PDE4D: variants seen among roughly 807,000 people sequenced by gnomAD.
PDE4D encodes the protein phosphodiesterase 4D.
In PDE4D, 24 loss-of-function variants were observed where a neutral mutation model predicts 87.4. The ratio of observed to expected loss-of-function variants is 0.27; its 90% confidence interval spans 0.20 to 0.39. The LOEUF (loss-of-function observed/expected upper bound fraction) is 0.39. PDE4D is among the 10% of genes least tolerant of loss of function. The probability of loss-of-function intolerance (pLI) is 1.00; values close to 1 mark genes in which losing one functional copy is unlikely to be tolerated. For missense variants in PDE4D, 714 were observed against 1,041.0 expected (o/e 0.69, Z 4.32); for synonymous variants, 384 against 383.2 (o/e 1.00, Z -0.02).
In PDE4D at chr5:58,972,848, C is replaced by CTAAT. The variant is rs759316443; in HGVS notation, c.*1812_*1815dup. 3.9e-5 allele frequency: 6 copies of CTAAT among 152,002 alleles called. No homozygotes were observed. Among genetic ancestry groups the CTAAT allele is most frequent in the African/African-American group, 1.4e-4 (6 of 41,474 alleles). 9.4% of individuals were successfully genotyped at this position (152,002 alleles called of 1,614,324 possible). On this transcript the variant is annotated 3_prime_UTR_variant, in exon 15 of 15. Coordinates refer to ENST00000340635, the MANE Select transcript of PDE4D (RefSeq NM_001104631.2). ...TGCTGAAATCAGCCAAGAGTGATCT[C>CTAAT]TAATTTTTTATTTAACCAGAATTTT...
At chr5:59,093,887 TAA>T (rs1769195666) in intron 5 of PDE4D, among the ~76,000 whole-genome samples, 1 of 151,980 alleles carries the variant, frequency 6.6e-6, no homozygotes, top group Non-Finnish European at 1.5e-5. Context: ...TGACCTTAGA[TAA>T]AACACACTTC....
intron 1 of PDE4D, among the ~76,000 whole-genome samples, chr5:59,684,063 G>C (rs1749466673): frequency 6.6e-6 from 1 of 151,982 alleles, no homozygotes; most frequent in African/African-American, 2.4e-5. Context: ...CCTTTTCTAT[G>C]CTCCTTCATA....
intron 3 of PDE4D, among the ~76,000 whole-genome samples, chr5:59,971,363 A>AAAATAAATAAAT (rs371424891): frequency 0.41 from 59,686 of 145,586 alleles, 12,851 homozygotes; most frequent in East Asian, 0.84. Context: ...ATAATAATAA[A>AAAATAAATAAAT]AAATAAATAA....
intron 1 of PDE4D, among the ~76,000 whole-genome samples, chr5:59,759,451 C>A (rs373317049): frequency 6.6e-6 from 1 of 152,146 alleles, no homozygotes; most frequent in Admixed American, 6.5e-5. Context: ...GGGAAGCACA[C>A]GTGAATAATA....
At chr5:59,161,725 C>T (rs1385602759) in intron 5 of PDE4D, among the ~76,000 whole-genome samples, 1 of 152,128 alleles carries the variant, frequency 6.6e-6, no homozygotes, top group African/African-American at 2.4e-5. Context: ...TTTTAGTTTA[C>T]AACTGTTAGC....
intron 2 of PDE4D, among the ~76,000 whole-genome samples, chr5:59,198,324 T>A (rs1581319782): frequency 6.6e-6 from 1 of 152,236 alleles, no homozygotes; most frequent in African/African-American, 2.4e-5. Context: ...TGTATGTATG[T>A]ATGCACACAT....
chr5:59,536,439 A>T (rs1815256344), intron 1 of PDE4D, among the ~76,000 whole-genome samples: 1 of 133,218 alleles, frequency 7.5e-6, no homozygotes, highest in Non-Finnish European at 1.5e-5. Context: ...CGGGAGGCGG[A>T]GCTTGCAGTG....
chr5:59,708,094 A>G (rs567496207), intron 1 of PDE4D, among the ~76,000 whole-genome samples: 2 of 152,274 alleles, frequency 1.3e-5, no homozygotes, highest in Admixed American at 1.3e-4. Flanking sequence ...AAGCGTTCCT[A>G]CTTCTCCACA....
chr5:59,438,578 A>G (rs966112470), intron 1 of PDE4D, among the ~76,000 whole-genome samples: 1 of 152,212 alleles, frequency 6.6e-6, no homozygotes, highest in Non-Finnish European at 1.5e-5. Flanking sequence ...TTGCCCTGGA[A>G]TGATGATTAA....
chr5:59,580,618 C>T (rs1453710310), intron 1 of PDE4D, among the ~76,000 whole-genome samples: 2 of 152,060 alleles, frequency 1.3e-5, no homozygotes, highest in Admixed American at 6.6e-5. Context: ...CAGGCATGAA[C>T]CACCATGCCC....
chr5:59,280,279 G>A (rs556689297), intron 1 of PDE4D, among the ~76,000 whole-genome samples: 3 of 152,128 alleles, frequency 2.0e-5, no homozygotes, highest in Non-Finnish European at 2.9e-5. Flanking sequence ...GTAACAATAC[G>A]TGAGACCTCT....
intron 1 of PDE4D, among the ~76,000 whole-genome samples, chr5:59,869,724 G>C (rs1747546271): frequency 6.6e-6 from 1 of 152,164 alleles, no homozygotes; most frequent in African/African-American, 2.4e-5. Context: ...AATCAGCAAA[G>C]TGGAATATAA....
rs116412667 is a variant in PDE4D at position 60,083,023 on chromosome 5, C to T, written c.43-94306G>A. Among the ~76,000 whole-genome samples, 350 of 152,250 alleles carry T rather than the reference C, an allele frequency of 2.3e-3. 4 individuals carry two copies. The highest frequency in any genetic ancestry group is 8.1e-3 in the African/African-American group (338 of 41,564). ...TTATTACTCTTTTTCAAAGCTCTCTCGTCTATTTATTTTGCAGCTCTCATG... is the reference window on the plus strand; with the variant it reads ...TTATTACTCTTTTTCAAAGCTCTCTTGTCTATTTATTTTGCAGCTCTCATG... On this transcript the variant is annotated intron_variant, in intron 2 of 16. Transcript: ENST00000502484.
intron 2 of PDE4D, among the ~76,000 whole-genome samples, chr5:60,121,470 A>AC (rs1261864007): frequency 2.0e-5 from 3 of 152,136 alleles, no homozygotes; most frequent in Non-Finnish European, 4.4e-5. Flanking sequence ...AGGCCTCACA[A>AC]TCATGGCAGG....
chr5:59,938,595 T>C (rs1331340203), intron 3 of PDE4D, among the ~76,000 whole-genome samples: 1 of 152,192 alleles, frequency 6.6e-6, no homozygotes, highest in Non-Finnish European at 1.5e-5. Flanking sequence ...GGTCTGCCAC[T>C]CTAATCATCT....
chr5:59,563,701 C>G (rs1193327124), intron 1 of PDE4D, among the ~76,000 whole-genome samples: 2 of 152,126 alleles, frequency 1.3e-5, no homozygotes, highest in African/African-American at 4.8e-5. Flanking sequence ...CAGAGGAGAG[C>G]CAGAATATAA....
At chr5:60,105,981 T>G (rs1181116263) in intron 2 of PDE4D, among the ~76,000 whole-genome samples, 1 of 152,164 alleles carries the variant, frequency 6.6e-6, no homozygotes, top group East Asian at 1.9e-4. Flanking sequence ...GACATCATAA[T>G]GACAGGATCA....
At chr5:59,196,176 T>G (rs1186871515) in intron 2 of PDE4D, among the ~76,000 whole-genome samples, 1 of 152,184 alleles carries the variant, frequency 6.6e-6, no homozygotes, top group African/African-American at 2.4e-5. Flanking sequence ...TATACAATCA[T>G]CAGCTGTTAC....
At chr5:59,623,490 G>A (rs1440453926) in intron 1 of PDE4D, among the ~76,000 whole-genome samples, 1 of 152,140 alleles carries the variant, frequency 6.6e-6, no homozygotes, top group African/African-American at 2.4e-5. Context: ...CCCAGTGCTT[G>A]GAGCTCTGTT....
Sources: allele counts gnomAD v4.1 joint callset (sites outside exome capture counted in the v4.1 genomes callset), GRCh38; gene constraint gnomAD v4.1.1; transcripts MANE v1.5; gene names NCBI Gene and HGNC (gene_info 2026-07-23, HGNC 2026-07-21).